The following SLC26A8 variants were observed in gnomAD, a reference collection of about 807,000 sequenced individuals.
SLC26A8 encodes the protein testis anion transporter 1.
In SLC26A8, 70 loss-of-function variants were observed where a neutral mutation model predicts 105.0. That is an observed-to-expected ratio of 0.67 (90% CI 0.55 to 0.81). SLC26A8 has a LOEUF of 0.81. SLC26A8 is among the 40% of genes least tolerant of loss of function. The pLI is 0.00. For synonymous variants in SLC26A8, 415 were observed against 438.3 expected (o/e 0.95, Z 0.66); for missense variants, 998 against 1,181.8 (o/e 0.84, Z 2.28).
Position 35,960,670 on chromosome 6 carries a change from A to T in SLC26A8, c.1638+173T>A, listed in dbSNP as rs1001239068. 2.7e-5 allele frequency: 18 copies of T among 674,380 alleles called. No homozygotes were observed. The Admixed American group carries it at 2.9e-4, about 11-fold the overall frequency. 41.8% of individuals were successfully genotyped at this position (674,380 alleles called of 1,614,324 possible). On this transcript the variant is annotated intron_variant, in intron 14 of 19. Coordinates refer to ENST00000490799, the MANE Select transcript of SLC26A8 (RefSeq NM_052961.4). ...AGAGCAAGACTCTGTCTCCAAAAAAAAAAATAAAAACAAAGAACCCATCTC... is the reference window on the plus strand; with the variant it reads ...AGAGCAAGACTCTGTCTCCAAAAAATAAAATAAAAACAAAGAACCCATCTC...
rs566209205 is a variant in SLC26A8 at position 35,959,497 on chromosome 6, C to T, written c.1826G>A (p.Cys609Tyr). 6.2e-7 allele frequency: 1 copy of T among 1,613,694 alleles called. No individual in the cohort carries two copies. The highest frequency in any genetic ancestry group is 1.1e-5 in the South Asian group (1 of 90,976). The change falls in exon 16 of 20, where the codon TGT becomes TAT. Residue 609 changes from cysteine (C) to tyrosine (Y), a missense_variant. By Grantham distance (194) the Cys-to-Tyr change is radical. Transcript: ENST00000490799. ...CTCCAGATCATCACAGTTGCAGAAA[C>T]ACCTGCAAATCTTTCCTCCTTGTAG... The part of the protein sequence containing the change: ...TNLQGGKICR[C>Y]FCNCDDLEPL...
chr6:36,003,915 C>T (rs1761604810), intron 3 of SLC26A8, among the ~76,000 whole-genome samples: 2 of 152,170 alleles, frequency 1.3e-5, no homozygotes, highest in South Asian at 4.2e-4. Flanking sequence ...CCTGCCTCGG[C>T]CTCCCAAAGT....
intron 3 of SLC26A8, among the ~76,000 whole-genome samples, chr6:36,007,844 G>C (rs540926778): frequency 6.6e-6 from 1 of 152,318 alleles, no homozygotes; most frequent in Non-Finnish European, 1.5e-5. Flanking sequence ...GTTGAGGCTG[G>C]GCGCGGTGGC....
chr6:35,971,456 T>A (rs907072176), intron 10 of SLC26A8, among the ~76,000 whole-genome samples: 14 of 152,180 alleles, frequency 9.2e-5, no homozygotes, highest in African/African-American at 3.4e-4. Context: ...CAGGCATCAA[T>A]TGCTCCATGT....
chr6:35,950,555 G>T (rs1248810167), intron 19 of SLC26A8, among the ~76,000 whole-genome samples: 1 of 152,132 alleles, frequency 6.6e-6, no homozygotes, highest in Non-Finnish European at 1.5e-5. Context: ...AAGGTGCTAG[G>T]ATTACAGGCG....
In SLC26A8 at chr6:35,981,524, C is replaced by T. The variant is rs1444276754; in HGVS notation, c.1025+597G>A. ...AGGCGTGGCAGTGCACGGCGGTGTA[C>T]ACCTGTAGTCCCAACTACTCAGAGA... On this transcript the variant is annotated intron_variant, in intron 8 of 19. Transcript: ENST00000490799. The surrounding 1 kb of genome is among the most constrained non-coding windows in gnomAD (Gnocchi z 4.0). Among the ~76,000 whole-genome samples, 2 of 152,162 alleles carry T rather than the reference C, an allele frequency of 1.3e-5. No homozygotes were observed. Among genetic ancestry groups the T allele is most frequent in the Middle Eastern group, 3.2e-3 (1 of 316 alleles).
At position 35,955,382 on chromosome 6, in the gene SLC26A8, CG is replaced by C. The variant is rs756611614; in HGVS notation, c.2001del (p.Val668CysfsTer72). 1 of 1,614,084 alleles carries C rather than the reference CG, an allele frequency of 6.2e-7. No homozygotes were observed. The highest frequency in any genetic ancestry group is 8.5e-7 in the Non-Finnish European group (1 of 1,180,048). ...SEDQVPYTVS[S>X]VSQKNQGQQY... ...TGTTGCCCTTGATTTTTCTGAGACA[CG>C]GACGATACTGTGTATGGCACTTGGT... On this transcript the variant is annotated frameshift_variant, in exon 17 of 20. Coordinates refer to ENST00000490799, the MANE Select transcript of SLC26A8 (RefSeq NM_052961.4). LOFTEE classifies it high-confidence loss of function.
chr6:35,951,722 G>A (rs1234291040), intron 17 of SLC26A8, among the ~76,000 whole-genome samples: 3 of 152,050 alleles, frequency 2.0e-5, no homozygotes, highest in Non-Finnish European at 4.4e-5. Context: ...GAGACTACAG[G>A]TGCATACCAC....
chr6:35,954,073 A>C (rs1489688176), intron 17 of SLC26A8, among the ~76,000 whole-genome samples: 1 of 152,228 alleles, frequency 6.6e-6, no homozygotes, highest in Non-Finnish European at 1.5e-5. Context: ...AGGGAGACAG[A>C]GTGCTGTAAA....
intron 7 of SLC26A8, among the ~76,000 whole-genome samples, chr6:35,988,622 G>A (rs560820601): frequency 1.9e-4 from 29 of 151,840 alleles, no homozygotes; most frequent in Non-Finnish European, 2.2e-4. Context: ...GTGACAGAGC[G>A]AGATTCTGCC....
intron 3 of SLC26A8, among the ~76,000 whole-genome samples, chr6:36,009,353 AAACAAC>A (rs145874408): frequency 0.05 from 7,425 of 149,320 alleles, 420 homozygotes; most frequent in African/African-American, 0.14. Context: ...TGCCTCTCAA[AAACAAC>A]AACAACAACA....
chr6:35,967,498 T>G (rs1772563891), intron 11 of SLC26A8, among the ~76,000 whole-genome samples: 1 of 152,212 alleles, frequency 6.6e-6, no homozygotes, highest in South Asian at 2.1e-4. Context: ...ACACCTGGCA[T>G]CTCTACAGGG....
At chr6:35,965,208 T>C (rs1267443823) in intron 11 of SLC26A8, among the ~76,000 whole-genome samples, 1 of 152,216 alleles carries the variant, frequency 6.6e-6, no homozygotes. Context: ...TTATTTGTGA[T>C]GGTGAATGAC....
Position 36,000,036 on chromosome 6 carries a change from G to A in SLC26A8, c.401C>T (p.Ser134Leu), listed in dbSNP as rs939875741. Reference protein sequence around the residue: ...LNIAYAAFCSSVIYVIFGSCH... With the variant: ...LNIAYAAFCSLVIYVIFGSCH... The stretch of plus-strand genomic sequence containing the variant: ...CGATCCAAAAATTACATAGATTACC[G>A]AAGAACAGAAAGCTGCATAAGCGAT... Residue 134 changes from serine (S) to leucine (L), a missense_variant, in exon 4 of 20, where the codon TCG becomes TTG. Transcript: ENST00000490799. 47 of 1,613,886 alleles carry A rather than the reference G, an allele frequency of 2.9e-5. No individual in the cohort carries two copies. Among genetic ancestry groups the A allele is most frequent in the Admixed American group, 1.0e-4 (6 of 59,986 alleles).
intron 1 of SLC26A8, among the ~76,000 whole-genome samples, chr6:36,021,620 C>A (rs910603960): frequency 6.6e-6 from 1 of 152,098 alleles, no homozygotes; most frequent in African/African-American, 2.4e-5. Flanking sequence ...CTGCTTAGCT[C>A]TAGCCATTTT....
intron 4 of SLC26A8, 109 bp from the exon 5 acceptor site, chr6:35,998,028 T>C: frequency 9.3e-7 from 1 of 1,080,640 alleles, no homozygotes. Context: ...CTGAATAACT[T>C]TTCTCATTTG....
chr6:36,002,633 G>A (rs1427606135), intron 3 of SLC26A8, among the ~76,000 whole-genome samples: 4 of 151,716 alleles, frequency 2.6e-5, no homozygotes, highest in African/African-American at 4.8e-5. Flanking sequence ...GGATTTATAG[G>A]AGTATGTATA....
rs1236054427 is a variant in SLC26A8, at chr6:35,961,060, C to T, written c.1501G>A (p.Gly501Arg). ...GAGATAATTAGTCCAATGTCCAGTCCCAGGAAAATTGAAGATGAGAATGTC... is the reference window on the plus strand; with the variant it reads ...GAGATAATTAGTCCAATGTCCAGTCTCAGGAAAATTGAAGATGAGAATGTC... ...MMTFSSSIFL[G>R]LDIGLIISVV... The change falls in exon 13 of 20, where the codon GGA becomes AGA. Residue 501 changes from glycine (G) to arginine (R), a missense_variant. Physicochemically the swap from Gly to Arg is moderately radical, Grantham distance 125 (BLOSUM62 -2). Transcript: ENST00000490799. 1 of 1,613,890 alleles carries T rather than the reference C, an allele frequency of 6.2e-7. No homozygotes were observed.
At chr6:35,996,909 C>T (rs979830132) in intron 5 of SLC26A8, among the ~76,000 whole-genome samples, 13 of 151,978 alleles carry the variant, frequency 8.6e-5, no homozygotes, top group Non-Finnish European at 1.5e-4. Flanking sequence ...GTGGCATGCA[C>T]CTGTAATCCC....
Sources: allele counts gnomAD v4.1 joint callset (sites outside exome capture counted in the v4.1 genomes callset), GRCh38; gene constraint gnomAD v4.1.1; non-coding constraint Gnocchi (gnomAD v3.1); transcripts MANE v1.5; gene names NCBI Gene and HGNC (gene_info 2026-07-23, HGNC 2026-07-21).